TCF4: variants seen among roughly 807,000 people sequenced by gnomAD.
TCF4 encodes SL3-3 enhancer factor 2.
TCF4 carries 3 observed loss-of-function variants against 82.1 expected under a neutral mutation model. That is an observed-to-expected ratio of 0.04 (90% CI 0.02 to 0.09). The LOEUF is 0.09. TCF4 is among the 10% of genes least tolerant of loss of function. TCF4 has a pLI of 1.00. For missense variants in TCF4, 518 were observed against 852.7 expected, an observed-to-expected ratio of 0.61 and a Z score of 4.89; for synonymous variants, 276 against 309.6, an observed-to-expected ratio of 0.89 and a Z score of 1.14.
At chr18:55,293,931 CTTT>C (rs781150808) in intron 8 of TCF4, among the ~76,000 whole-genome samples, 8 of 40,050 alleles carry the variant, frequency 2.0e-4, no homozygotes, top group Non-Finnish European at 3.6e-4. Flanking sequence ...TTTCCAAGGA[CTTT>C]TTTTTTTTTT....
intron 3 of TCF4, among the ~76,000 whole-genome samples, chr18:55,509,399 A>G (rs75789679): frequency 4.8e-4 from 73 of 152,218 alleles, no homozygotes; most frequent in African/African-American, 1.7e-3. Flanking sequence ...AGATGCTGGT[A>G]GTATCGCTAC....
At chr18:55,533,788 G>A (rs146789146) in intron 3 of TCF4, among the ~76,000 whole-genome samples, 7 of 152,260 alleles carry the variant, frequency 4.6e-5, no homozygotes, top group African/African-American at 1.4e-4. Flanking sequence ...GTATCAGACT[G>A]TTCTTTTCAT....
chr18:55,226,104 C>T lies in TCF4; in HGVS notation c.*1931G>A, dbSNP rs898174800. 3.9e-5 allele frequency: 6 copies of T among 152,276 alleles called. No homozygotes were observed. The highest frequency in any genetic ancestry group is 7.4e-5 in the Non-Finnish European group (5 of 67,930). The allele number at this position is 152,276 out of a possible 1,614,324, so 9.4% of individuals were successfully genotyped here. A position where few individuals can be genotyped will look rare whatever the true frequency, so the allele number is the denominator to read the frequency against. On this transcript the variant is annotated 3_prime_UTR_variant, in exon 20 of 20. Transcript: ENST00000354452. The stretch of plus-strand genomic sequence containing the variant: ...CATGTAAAAATATAACTTTTACATA[C>T]ACAATTTCAAAATAATGATACGTTT...
At chr18:55,621,508 TATATATTATATA>T (rs796357388) in intron 2 of TCF4, among the ~76,000 whole-genome samples, 96 of 172 alleles carry the variant, frequency 0.56, 27 homozygotes, top group East Asian at 0.69. Context: ...GTACATTATA[TATATATTATATA>T]ATATTATATA....
intron 5 of TCF4, among the ~76,000 whole-genome samples, chr18:55,436,483 G>A (rs1331128859): frequency 1.3e-5 from 2 of 152,024 alleles, no homozygotes; most frequent in Non-Finnish European, 1.5e-5. Flanking sequence ...TTCTGTTTGG[G>A]CCACATATTA....
At chr18:55,452,358 T>C (rs2095641212) in intron 5 of TCF4, among the ~76,000 whole-genome samples, 3 of 152,222 alleles carry the variant, frequency 2.0e-5, no homozygotes. Context: ...TTTTCTCCCC[T>C]AGGCAGTAGG....
chr18:55,248,773 G>A (rs2054100787), intron 15 of TCF4, among the ~76,000 whole-genome samples: 1 of 152,098 alleles, frequency 6.6e-6, no homozygotes, highest in African/African-American at 2.4e-5. Context: ...GTGTGGCAGG[G>A]TCTCTCTGTC....
At chr18:55,532,004 T>C (rs776021389) in intron 3 of TCF4, among the ~76,000 whole-genome samples, 10 of 152,220 alleles carry the variant, frequency 6.6e-5, no homozygotes, top group South Asian at 4.1e-4. Flanking sequence ...TGTACCAAAT[T>C]TGTATTTCAT....
chr18:55,581,179 G>C (rs1169583864), intron 3 of TCF4, among the ~76,000 whole-genome samples: 1 of 151,946 alleles, frequency 6.6e-6, no homozygotes, highest in African/African-American at 2.4e-5. Flanking sequence ...TAATCCTCAA[G>C]CCCCATTACG....
At chr18:55,369,215 T>C (rs1188699478) in intron 6 of TCF4, among the ~76,000 whole-genome samples, 1 of 152,212 alleles carries the variant, frequency 6.6e-6, no homozygotes, top group African/African-American at 2.4e-5. Context: ...ACATAAATCC[T>C]ACATGTTTTG....
At chr18:55,614,526 A>G (rs1287522840) in intron 2 of TCF4, among the ~76,000 whole-genome samples, 1 of 152,192 alleles carries the variant, frequency 6.6e-6, no homozygotes, top group Non-Finnish European at 1.5e-5. Context: ...CTCATTGACT[A>G]ATATTGTTGG....
intron 5 of TCF4, among the ~76,000 whole-genome samples, chr18:55,432,646 C>T (rs1425557638): frequency 1.3e-5 from 2 of 152,188 alleles, no homozygotes; most frequent in Admixed American, 1.3e-4. Context: ...CTCCTCTACT[C>T]GCCCCTCTCC....
chr18:55,552,085 G>A (rs997523367), intron 3 of TCF4, among the ~76,000 whole-genome samples: 1 of 152,156 alleles, frequency 6.6e-6, no homozygotes, highest in Non-Finnish European at 1.5e-5. Flanking sequence ...TTCTCTAAGT[G>A]CAAAGCAATC....
intron 2 of TCF4, among the ~76,000 whole-genome samples, chr18:55,610,754 A>G (rs906422959): frequency 2.0e-5 from 3 of 152,234 alleles, no homozygotes; most frequent in Admixed American, 6.5e-5. Context: ...CTGGGAGAGT[A>G]CAATTTAACC....
At chr18:55,634,301 A>T (rs1054846349) in intron 1 of TCF4, among the ~76,000 whole-genome samples, 5 of 152,006 alleles carry the variant, frequency 3.3e-5, no homozygotes, top group African/African-American at 1.2e-4. Context: ...AAAAAAAAAA[A>T]CTAGAATTTA....
chr18:55,466,263 AAGC>A (rs1423009981), intron 3 of TCF4, among the ~76,000 whole-genome samples: 1 of 152,156 alleles, frequency 6.6e-6, no homozygotes, highest in Non-Finnish European at 1.5e-5. Context: ...TGGGAGGCTG[AAGC>A]AGAAGGATTG....
intron 8 of TCF4, among the ~76,000 whole-genome samples, chr18:55,302,918 C>T (rs1203645972): frequency 1.3e-5 from 2 of 152,092 alleles, no homozygotes; most frequent in Non-Finnish European, 2.9e-5. Flanking sequence ...ATTTATTTCT[C>T]AAAATATCTG....
At chr18:55,549,208 G>A (rs2097236088) in intron 3 of TCF4, among the ~76,000 whole-genome samples, 1 of 152,062 alleles carries the variant, frequency 6.6e-6, no homozygotes, top group South Asian at 2.1e-4. Flanking sequence ...GGCTGAGGGA[G>A]GAAGATCACC....
At chr18:55,396,865 A>G (rs2093526567) in intron 6 of TCF4, among the ~76,000 whole-genome samples, 1 of 152,220 alleles carries the variant, frequency 6.6e-6, no homozygotes, top group South Asian at 2.1e-4. Flanking sequence ...AATATGAAAC[A>G]TGAAACTGAT....
Sources: allele counts gnomAD v4.1 joint callset (sites outside exome capture counted in the v4.1 genomes callset), GRCh38; gene constraint gnomAD v4.1.1; transcripts MANE v1.5; gene names NCBI Gene and HGNC (gene_info 2026-07-23, HGNC 2026-07-21).